The following CDC27 variants were observed in gnomAD, a reference collection of about 807,000 sequenced individuals.
CDC27 encodes cell division cycle 27.
In CDC27, 27 loss-of-function variants were observed where a neutral mutation model predicts 109.7. The ratio of observed to expected loss-of-function variants is 0.25; its 90% confidence interval spans 0.18 to 0.34. The LOEUF (loss-of-function observed/expected upper bound fraction) is 0.34. Among genes scored for constraint, CDC27 ranks in the 10% least tolerant of loss-of-function variants. The pLI is 1.00. For synonymous variants in CDC27, 266 were observed against 333.9 expected, an observed-to-expected ratio of 0.80 and a Z score of 2.22; for missense variants, 579 against 960.2, an observed-to-expected ratio of 0.60 and a Z score of 5.25.
intron 1 of CDC27, among the ~76,000 whole-genome samples, chr17:47,187,367 G>A (rs2064479714): frequency 6.6e-6 from 1 of 151,986 alleles, no homozygotes; most frequent in African/African-American, 2.4e-5. Context: ...GCGGGACCAT[G>A]TCGGCTCACT....
chr17:47,165,722 G>C (rs2063623410), intron 4 of CDC27, among the ~76,000 whole-genome samples: 2 of 152,106 alleles, frequency 1.3e-5, no homozygotes, highest in Non-Finnish European at 2.9e-5. Context: ...TTATGTTTAA[G>C]AAGTCTTTGC....
At chr17:47,188,898 C>T in intron 1 of CDC27, 3 of 1,390,162 alleles carry the variant, frequency 2.2e-6, no homozygotes, top group South Asian at 1.6e-5. Flanking sequence ...GACGTTGGCT[C>T]GGACGGGAAA....
rs1379238369 is a variant in CDC27 at position 47,136,059 on chromosome 17, G to A, written c.1913+1093C>T. Among the ~76,000 whole-genome samples, 4 of 152,018 alleles carry A rather than the reference G, an allele frequency of 2.6e-5. 1 individual carries two copies. The South Asian group carries it at 6.2e-4, about 24-fold the overall frequency. ...CGGGAGGCTGAGGCAGGAGAATGGC[G>A]TGAACCTGGGAGGCGGAGCATACAG... On this transcript the variant is annotated intron_variant, in intron 14 of 18. Coordinates refer to ENST00000066544, the MANE Select transcript of CDC27 (RefSeq NM_001256.6).
At chr17:47,173,381 A>T (rs899034578) in intron 2 of CDC27, among the ~76,000 whole-genome samples, 1 of 152,126 alleles carries the variant, frequency 6.6e-6, no homozygotes, top group Non-Finnish European at 1.5e-5. Context: ...TACAAAAAAA[A>T]AAAAAGAATG....
chr17:47,151,852 C>G lies in CDC27; in HGVS notation c.1024G>C (p.Val342Leu). The G allele has an allele frequency of 6.2e-7, 1 of 1,606,836 alleles. No homozygotes were observed. Among genetic ancestry groups the G allele is most frequent in the Non-Finnish European group, 8.5e-7 (1 of 1,176,552 alleles). The change falls in exon 9 of 19, where the codon GTA (valine) becomes CTA (leucine). Residue 342 changes from valine to leucine, a missense_variant. By Grantham distance (32) the Val-to-Leu change is conservative. Transcript: ENST00000066544. ...VFSQSGNSRE[V>L]TPILAQTQSS... ...TGTGTTTGTGCAAGAATTGGAGTTACCTCTCGGCTATTTCCACTCTGTGAG... is the reference window on the plus strand; with the variant it reads ...TGTGTTTGTGCAAGAATTGGAGTTAGCTCTCGGCTATTTCCACTCTGTGAG...
At chr17:47,147,613 C>T (rs1598468697) in intron 9 of CDC27, among the ~76,000 whole-genome samples, 1 of 152,146 alleles carries the variant, frequency 6.6e-6, no homozygotes, top group Non-Finnish European at 1.5e-5. Flanking sequence ...TGGCTCATGC[C>T]TGTCGGCCCA....
chr17:47,146,184 G>A (rs1337216156), intron 9 of CDC27, among the ~76,000 whole-genome samples: 1 of 152,190 alleles, frequency 6.6e-6, no homozygotes, highest in African/African-American at 2.4e-5. Flanking sequence ...TCCTAATTAT[G>A]TCATCTACAA....
chr17:47,129,525 T>C lies in CDC27; in HGVS notation c.2032-4A>G. The C allele has an allele frequency of 1.3e-6, 2 of 1,589,688 alleles. No homozygotes were observed. Among genetic ancestry groups the C allele is most frequent in the Non-Finnish European group, 1.7e-6 (2 of 1,167,710 alleles). ...ATTTTTTCAGTGCATGTTGAACCTG[T>C]AAGAAATAAAGATCATGTTAATACT... On this transcript the variant is annotated splice_region_variant and splice_polypyrimidine_tract_variant and intron_variant, in intron 15 of 18. Coordinates refer to ENST00000066544, the MANE Select transcript of CDC27 (RefSeq NM_001256.6).
Position 47,143,994 on chromosome 17 carries a change from T to C in CDC27, c.1071-12A>G, listed in dbSNP as rs112698940. 4.0e-5 allele frequency: 49 copies of C among 1,215,314 alleles called. No individual in the cohort carries two copies. The African/African-American group carries it at 6.8e-4, about 17-fold the overall frequency. The allele number at this position is 1,215,314 out of a possible 1,614,324, so 75.3% of individuals were successfully genotyped here. The stretch of plus-strand genomic sequence containing the variant: ...CCTGAGGTGTTGTACTAAAAAAAAA[T>C]TATAAAGGAAGACATTAATATTTTA... On this transcript the variant is annotated splice_polypyrimidine_tract_variant and intron_variant, in intron 9 of 18. Coordinates refer to ENST00000066544, the MANE Select transcript of CDC27 (RefSeq NM_001256.6).
intron 2 of CDC27, 66 bp from the exon 3 acceptor site, chr17:47,172,130 C>T: frequency 9.4e-7 from 1 of 1,061,724 alleles, no homozygotes; most frequent in Middle Eastern, 2.7e-4. Context: ...GTTTATCATG[C>T]AATAAACAAG....
intron 4 of CDC27, among the ~76,000 whole-genome samples, chr17:47,166,242 T>C (rs2063643074): frequency 6.6e-6 from 1 of 152,196 alleles, no homozygotes; most frequent in Non-Finnish European, 1.5e-5. Flanking sequence ...TGGAAGAGAT[T>C]ATGTAGCATT....
intron 9 of CDC27, among the ~76,000 whole-genome samples, chr17:47,151,427 T>C (rs1036232945): frequency 1.3e-5 from 2 of 152,238 alleles, no homozygotes; most frequent in Admixed American, 6.5e-5. Flanking sequence ...TGTGTGGAAA[T>C]AGATTCATTA....
At chr17:47,152,790 C>A (rs2063189520) in intron 8 of CDC27, among the ~76,000 whole-genome samples, 1 of 152,180 alleles carries the variant, frequency 6.6e-6, no homozygotes, top group Admixed American at 6.5e-5. Context: ...TCATGCCCTA[C>A]TTTTTGAAAC....
chr17:47,165,220 GAATTTTGGGTTGTTTCC>G (rs2063608584), intron 4 of CDC27, among the ~76,000 whole-genome samples: 1 of 152,086 alleles, frequency 6.6e-6, no homozygotes, highest in Non-Finnish European at 1.5e-5. Flanking sequence ...TTTACTTACT[GAATTTTGGGTTGTTTCC>G]AGTTTTGGGC....
chr17:47,149,892 T>C (rs2063102035), intron 9 of CDC27, among the ~76,000 whole-genome samples: 1 of 151,852 alleles, frequency 6.6e-6, no homozygotes, highest in African/African-American at 2.4e-5. Context: ...GAGGTGGAGG[T>C]TGCAGTGAGC....
chr17:47,158,343 C>T, intron 4 of CDC27, 40 bp from the exon 5 acceptor site: 2 of 1,028,046 alleles, frequency 1.9e-6, no homozygotes, highest in Non-Finnish European at 2.8e-6. Flanking sequence ...GCTACAAACC[C>T]CAAAACCTGT....
intron 4 of CDC27, among the ~76,000 whole-genome samples, chr17:47,166,864 A>T (rs182796760): frequency 2.6e-5 from 4 of 152,102 alleles, no homozygotes; most frequent in Admixed American, 1.3e-4. Flanking sequence ...TTATTTATTT[A>T]ATTTTTTTGA....
intron 16 of CDC27, among the ~76,000 whole-genome samples, chr17:47,125,640 T>C (rs1167247303): frequency 1.3e-5 from 2 of 150,300 alleles, no homozygotes; most frequent in Admixed American, 6.7e-5. Context: ...ACCTCCCAGG[T>C]TGAAGCGATT....
At chr17:47,176,949 T>G (rs1345646535) in intron 2 of CDC27, among the ~76,000 whole-genome samples, 1 of 152,208 alleles carries the variant, frequency 6.6e-6, no homozygotes, top group African/African-American at 2.4e-5. Flanking sequence ...TGTACGCATA[T>G]ATTTCTGTGA....
Sources: allele counts gnomAD v4.1 joint callset (sites outside exome capture counted in the v4.1 genomes callset), GRCh38; gene constraint gnomAD v4.1.1; transcripts MANE v1.5; gene names NCBI Gene and HGNC (gene_info 2026-07-23, HGNC 2026-07-21).